CNOT6L: variants seen among roughly 807,000 people sequenced by gnomAD.
CNOT6L encodes CCR4-NOT transcription complex subunit 6 like.
In CNOT6L, 7 loss-of-function variants were observed where a neutral mutation model predicts 64.0. That is an observed-to-expected ratio of 0.11 (90% CI 0.06 to 0.21). The LOEUF (loss-of-function observed/expected upper bound fraction) is 0.21, where lower values mean the gene tolerates loss of function less well. Ranked by LOEUF, CNOT6L falls within the 10% of genes least tolerant of loss-of-function variation. The pLI is 1.00. For synonymous variants in CNOT6L, 193 were observed against 243.4 expected, an observed-to-expected ratio of 0.79 and a Z score of 1.93; for missense variants, 245 against 669.0, an observed-to-expected ratio of 0.37 and a Z score of 6.99.
At chr4:77,818,950 C>A in intron 1 of CNOT6L, 1 of 649,014 alleles carries the variant, frequency 1.5e-6, no homozygotes, top group East Asian at 3.0e-5. Flanking sequence ...CCTCCCCGGC[C>A]GGCCCCCTAG....
chr4:77,811,954 C>T (rs1405488168), intron 1 of CNOT6L, among the ~76,000 whole-genome samples: 1 of 151,108 alleles, frequency 6.6e-6, no homozygotes, highest in Non-Finnish European at 1.5e-5. Flanking sequence ...AGACTGGGAA[C>T]AAGACAAGGA....
intron 4 of CNOT6L, 59 bp downstream of exon 4, chr4:77,773,022 A>T: frequency 9.2e-7 from 1 of 1,086,306 alleles, no homozygotes; most frequent in Non-Finnish European, 1.3e-6. Context: ...ACCTTTTTAA[A>T]GGCCAAAATG....
intron 11 of CNOT6L, 48 bp from the exon 12 acceptor site, chr4:77,720,691 A>G: frequency 6.3e-7 from 1 of 1,592,304 alleles, no homozygotes; most frequent in African/African-American, 1.3e-5. Context: ...CAAGATATAT[A>G]AAGAACAATC....
chr4:77,819,888 G>A (rs1734098606), upstream of CNOT6L, among the ~76,000 whole-genome samples: 1 of 151,498 alleles, frequency 6.6e-6, no homozygotes, highest in South Asian at 2.1e-4. Flanking sequence ...GCCGGGCTTC[G>A]AGGACAGTGA....
intron 4 of CNOT6L, among the ~76,000 whole-genome samples, chr4:77,757,626 C>T (rs1725715809): frequency 6.6e-6 from 1 of 152,040 alleles, no homozygotes; most frequent in Non-Finnish European, 1.5e-5. Context: ...AAATAAAAAC[C>T]AAAGAACTTC....
intron 4 of CNOT6L, among the ~76,000 whole-genome samples, chr4:77,769,612 G>A (rs191594925): frequency 6.6e-6 from 1 of 152,046 alleles, no homozygotes; most frequent in East Asian, 1.9e-4. Flanking sequence ...CTATATAAAT[G>A]AAAATTATAT....
At position 77,768,422 on chromosome 4, in the gene CNOT6L, G is replaced by A. The variant is rs185192022; in HGVS notation, c.400+4659C>T. Among the ~76,000 whole-genome samples the A allele has an allele frequency of 2.0e-3, 298 of 148,812 alleles. 2 individuals are homozygous for A. The highest frequency in any genetic ancestry group is 7.2e-3 in the Middle Eastern group (2 of 278). ...TAGAGGTTGCAGTGGCCGAGATCGC[G>A]CCACTGCACTCCAGCCTGGGTAACA... On this transcript the variant is annotated intron_variant, in intron 4 of 11. Coordinates refer to ENST00000504123, the MANE Select transcript of CNOT6L (RefSeq NM_144571.3).
intron 1 of CNOT6L, among the ~76,000 whole-genome samples, chr4:77,779,619 C>CA (rs1236108638): frequency 6.6e-6 from 1 of 151,866 alleles, no homozygotes; most frequent in African/African-American, 2.4e-5. Flanking sequence ...TCAATACTGC[C>CA]ATATTAGGGG....
chr4:77,742,415 T>C lies in CNOT6L; in HGVS notation c.718-120A>G, dbSNP rs1216126092. 5 of 907,354 alleles carry C rather than the reference T, an allele frequency of 5.5e-6. 1 individual carries two copies. In the South Asian group the frequency reaches 5.9e-5, roughly 11 times the overall value. 56.2% of individuals were successfully genotyped at this position (907,354 alleles called of 1,614,324 possible). A position where few individuals can be genotyped will look rare whatever the true frequency, so the allele number is the denominator to read the frequency against. On this transcript the variant is annotated intron_variant, in intron 7 of 11. Transcript: ENST00000504123. Reference sequence around the variant, plus strand: ...TAAAAATAATTCACATAGCAAATATTATCTTACTATCTTACCTGATTGCTA... The same window carrying C: ...TAAAAATAATTCACATAGCAAATATCATCTTACTATCTTACCTGATTGCTA...
At chr4:77,756,253 A>G (rs1048048277) in intron 5 of CNOT6L, among the ~76,000 whole-genome samples, 1 of 152,226 alleles carries the variant, frequency 6.6e-6, no homozygotes, top group Admixed American at 6.5e-5. Flanking sequence ...TCGGCCACAC[A>G]AAGTGCTAGG....
In CNOT6L at chr4:77,726,296, C is replaced by G; in HGVS notation, c.1326G>C (p.Glu442Asp). 7.4e-6 allele frequency: 12 copies of G among 1,613,802 alleles called. No individual in the cohort carries two copies. Among genetic ancestry groups the G allele is most frequent in the Non-Finnish European group, 1.0e-5 (12 of 1,179,754 alleles). Residue 442 changes from glutamate to aspartate, a missense_variant, in exon 11 of 12, where the codon GAG becomes GAC. Glu to Asp is a conservative substitution (Grantham distance 45, BLOSUM62 2). Transcript: ENST00000504123. ...CATTGCAGCTGAAGTTCATAAGACA[C>G]TCATTGTACCTTAGTTCCTTGAAGT... is the stretch of plus-strand genomic sequence containing the variant. ...HKDFKELRYN[E>D]CLMNFSCNGK...
intron 1 of CNOT6L, among the ~76,000 whole-genome samples, chr4:77,800,973 C>G (rs772929438): frequency 1.3e-5 from 2 of 152,158 alleles, no homozygotes; most frequent in Admixed American, 6.5e-5. Flanking sequence ...AAAATGCCTA[C>G]AAAAGTATCC....
At chr4:77,786,377 C>A (rs527691761) in intron 1 of CNOT6L, among the ~76,000 whole-genome samples, 229 of 152,010 alleles carry the variant, frequency 1.5e-3, no homozygotes, top group African/African-American at 5.3e-3. Flanking sequence ...CTTTGGGAGG[C>A]TGAGGTGGAA....
At chr4:77,809,025 T>C (rs890334988) in intron 1 of CNOT6L, among the ~76,000 whole-genome samples, 1 of 152,202 alleles carries the variant, frequency 6.6e-6, no homozygotes, top group Non-Finnish European at 1.5e-5. Context: ...ACTACAGATG[T>C]GCCAGGTAGT....
At chr4:77,805,033 G>A (rs1732058756) in intron 1 of CNOT6L, among the ~76,000 whole-genome samples, 2 of 152,088 alleles carry the variant, frequency 1.3e-5, no homozygotes, top group African/African-American at 4.8e-5. Flanking sequence ...TATAGCACTT[G>A]TGAGATGAGA....
intron 1 of CNOT6L, among the ~76,000 whole-genome samples, chr4:77,780,315 AG>A (rs1458821408): frequency 6.6e-6 from 1 of 152,180 alleles, no homozygotes; most frequent in Non-Finnish European, 1.5e-5. Context: ...ATGAAGAGGC[AG>A]GTTTTTGAAT....
chr4:77,771,383 C>T (rs904982811), intron 4 of CNOT6L, among the ~76,000 whole-genome samples: 4 of 151,948 alleles, frequency 2.6e-5, no homozygotes, highest in Non-Finnish European at 4.4e-5. Flanking sequence ...CTATCAATAT[C>T]GGGAAGAAGA....
At chr4:77,784,100 T>C (rs1729182903) in intron 1 of CNOT6L, among the ~76,000 whole-genome samples, 1 of 152,088 alleles carries the variant, frequency 6.6e-6, no homozygotes, top group Non-Finnish European at 1.5e-5. Context: ...CTTCTGGCTC[T>C]GGAAAGCGAT....
intron 5 of CNOT6L, among the ~76,000 whole-genome samples, chr4:77,750,413 G>T (rs565265147): frequency 6.6e-6 from 1 of 151,878 alleles, no homozygotes; most frequent in African/African-American, 2.4e-5. Context: ...GTGCAGTGGC[G>T]CCATCTCAGC....
Sources: gnomAD v4.1 joint callset for allele counts (sites outside exome capture counted in the v4.1 genomes callset) on GRCh38, gnomAD v4.1.1 for gene constraint, MANE v1.5 for transcripts, NCBI Gene and HGNC (gene_info 2026-07-23, HGNC 2026-07-21) for gene names.